The following MTHFD1L variants were observed in gnomAD, a reference collection of about 807,000 sequenced individuals.
The protein encoded by MTHFD1L is monofunctional C1-tetrahydrofolate synthase, mitochondrial.
A neutral mutation model predicts 119.5 loss-of-function variants in MTHFD1L; 81 were observed. The observed-to-expected ratio is 0.68, with a 90% confidence interval of 0.57 to 0.82. MTHFD1L has a LOEUF of 0.82. Ranked by LOEUF, MTHFD1L falls within the 40% of genes least tolerant of loss-of-function variation. The pLI is 0.00. For synonymous variants in MTHFD1L, 430 were observed against 475.2 expected, an observed-to-expected ratio of 0.90 and a Z score of 1.24; for missense variants, 1,125 against 1,253.4, an observed-to-expected ratio of 0.90 and a Z score of 1.55.
chr6:151,056,662 ATAC>A (rs1789983428), intron 26 of MTHFD1L, among the ~76,000 whole-genome samples: 1 of 152,154 alleles, frequency 6.6e-6, no homozygotes, highest in Admixed American at 6.5e-5. Context: ...ATCCTCACCA[ATAC>A]GCAACAGCAG....
In MTHFD1L at chr6:151,036,966, G is replaced by A. The variant is rs1383018034; in HGVS notation, c.2696G>A (p.Gly899Asp). Residue 899 changes from glycine (G) to aspartate (D), a missense_variant and splice_region_variant, in exon 26 of 28, where the codon GGT becomes GAT. Gly to Asp is a moderately conservative substitution (Grantham distance 94). Coordinates refer to ENST00000367321, the MANE Select transcript of MTHFD1L (RefSeq NM_015440.5). ...CACATTTTCTTTCCTTTCTCACAGG[G>A]TTTTGGAAATTTGCCCATCTGCATG... ...QAKIDRYTQQ[G>D]FGNLPICMAK... The A allele has an allele frequency of 5.6e-6, 9 of 1,611,924 alleles. No homozygotes were observed. Among genetic ancestry groups the A allele is most frequent in the Non-Finnish European group, 7.6e-6 (9 of 1,179,824 alleles).
intron 7 of MTHFD1L, 32 bp from the exon 8 acceptor site, chr6:150,905,618 A>C: frequency 6.6e-7 from 1 of 1,514,480 alleles, no homozygotes; most frequent in South Asian, 1.1e-5. Context: ...CCTCAGATCA[A>C]GATGTGCGTG....
At chr6:151,098,912 G>A (rs1315253102) in intron 27 of MTHFD1L, among the ~76,000 whole-genome samples, 5 of 151,928 alleles carry the variant, frequency 3.3e-5, no homozygotes, top group East Asian at 1.9e-4. Flanking sequence ...ACGGTAGCTC[G>A]CATCTGTAAT....
chr6:150,997,978 A>C (rs532099169), intron 20 of MTHFD1L, among the ~76,000 whole-genome samples: 11 of 152,268 alleles, frequency 7.2e-5, no homozygotes, highest in African/African-American at 2.6e-4. Context: ...TTAAATAAGG[A>C]ATCACCAGAG....
intron 20 of MTHFD1L, among the ~76,000 whole-genome samples, chr6:150,978,966 G>C (rs947442699): frequency 2.0e-5 from 3 of 152,148 alleles, no homozygotes; most frequent in African/African-American, 7.2e-5. Flanking sequence ...TTAGCTGGGC[G>C]CAGTGGCTCA....
intron 26 of MTHFD1L, chr6:151,041,692 A>G: frequency 2.2e-6 from 1 of 450,742 alleles, no homozygotes; most frequent in Non-Finnish European, 4.5e-6. Context: ...CTTATGATAG[A>G]CTCCAGTAAA....
chr6:151,034,064 G>A (rs1177853966), intron 24 of MTHFD1L, among the ~76,000 whole-genome samples: 3 of 151,826 alleles, frequency 2.0e-5, no homozygotes, highest in South Asian at 2.1e-4. Context: ...CCCTGTAGTC[G>A]CAGCTACTCA....
intron 26 of MTHFD1L, among the ~76,000 whole-genome samples, chr6:151,080,988 C>T (rs1024501712): frequency 5.3e-5 from 8 of 152,114 alleles, no homozygotes; most frequent in African/African-American, 1.7e-4. Flanking sequence ...CCTACAGCCT[C>T]GACTTCCTGT....
chr6:150,925,983 T>G (rs2073190), intron 10 of MTHFD1L, 139 bp from the exon 11 acceptor site: 15,519 of 663,888 alleles, frequency 0.023, 939 homozygotes, highest in East Asian at 0.16. Context: ...GCAGTTGTGC[T>G]TATTACTGCC....
chr6:150,896,232 C>T (rs1446499709), intron 7 of MTHFD1L, among the ~76,000 whole-genome samples: 4 of 152,238 alleles, frequency 2.6e-5, no homozygotes, highest in Non-Finnish European at 5.9e-5. Context: ...AGACCCTAGA[C>T]ATTCGACTTG....
At chr6:150,913,844 A>AT (rs1170357935) in intron 8 of MTHFD1L, among the ~76,000 whole-genome samples, 2 of 152,028 alleles carry the variant, frequency 1.3e-5, no homozygotes, top group Admixed American at 1.3e-4. Flanking sequence ...AAATACAAAA[A>AT]TTAAGCCCAG....
chr6:151,059,821 T>G (rs956878655), intron 26 of MTHFD1L, among the ~76,000 whole-genome samples: 1 of 152,214 alleles, frequency 6.6e-6, no homozygotes, highest in African/African-American at 2.4e-5. Context: ...AGGCTCTAAC[T>G]CGGTGTCTTA....
At chr6:150,943,087 C>T (rs576083630) in intron 13 of MTHFD1L, among the ~76,000 whole-genome samples, 17 of 151,302 alleles carry the variant, frequency 1.1e-4, no homozygotes, top group Non-Finnish European at 1.9e-4. Context: ...TTGAGACCAG[C>T]CTGGCCAACA....
chr6:151,024,383 A>G (rs1474619484), intron 24 of MTHFD1L, among the ~76,000 whole-genome samples: 4 of 152,234 alleles, frequency 2.6e-5, no homozygotes, highest in Non-Finnish European at 4.4e-5. Flanking sequence ...TACTAAAAAT[A>G]TTTTAAAAAT....
intron 11 of MTHFD1L, chr6:150,935,696 A>G (rs1366394127): frequency 1.6e-6 from 1 of 635,722 alleles, no homozygotes; most frequent in Non-Finnish European, 2.6e-6. Context: ...TTTGTTGAAC[A>G]ATCAGATGCC....
At chr6:151,007,617 C>A (rs1173720161) in intron 20 of MTHFD1L, among the ~76,000 whole-genome samples, 1 of 152,162 alleles carries the variant, frequency 6.6e-6, no homozygotes, top group Non-Finnish European at 1.5e-5. Context: ...TGCAGGACAG[C>A]GCCGCATAAT....
chr6:151,035,158 A>C (rs1200098149), intron 25 of MTHFD1L, among the ~76,000 whole-genome samples: 1 of 152,212 alleles, frequency 6.6e-6, no homozygotes, highest in Non-Finnish European at 1.5e-5. Flanking sequence ...TGACAAAGGC[A>C]AGTAGGCAAA....
intron 24 of MTHFD1L, among the ~76,000 whole-genome samples, chr6:151,017,392 G>C (rs1389185965): frequency 1.3e-5 from 2 of 151,824 alleles, no homozygotes; most frequent in African/African-American, 2.4e-5. Flanking sequence ...TGTTGCCCGG[G>C]CTGGAGTGCA....
At chr6:150,890,403 C>G (rs1416734230) in intron 7 of MTHFD1L, among the ~76,000 whole-genome samples, 1 of 152,022 alleles carries the variant, frequency 6.6e-6, no homozygotes, top group African/African-American at 2.4e-5. Flanking sequence ...TAGCCAGGTT[C>G]AAGGGAGACA....
Sources: gnomAD v4.1 joint callset for allele counts (sites outside exome capture counted in the v4.1 genomes callset) on GRCh38, gnomAD v4.1.1 for gene constraint, MANE v1.5 for transcripts, NCBI Gene and HGNC (gene_info 2026-07-23, HGNC 2026-07-21) for gene names.